UBOX5: variants seen among roughly 807,000 people sequenced by gnomAD.
UBOX5 encodes the protein U-box domain containing 5, also known as RING finger protein 37.
A neutral mutation model predicts 39.0 loss-of-function variants in UBOX5; 28 were observed. That is an observed-to-expected ratio of 0.72 (90% CI 0.53 to 0.98). UBOX5 has a LOEUF of 0.98. Ranked by LOEUF, UBOX5 falls within the 50% of genes least tolerant of loss-of-function variation. UBOX5 has a pLI of 0.00. For missense variants in UBOX5, 585 were observed against 674.4 expected (o/e 0.87, Z 1.47); for synonymous variants, 283 against 275.5 (o/e 1.03, Z -0.27).
chr20:3,112,767 C>G (rs1235452394), intron 4 of UBOX5, among the ~76,000 whole-genome samples: 1 of 152,062 alleles, frequency 6.6e-6, no homozygotes, highest in Non-Finnish European at 1.5e-5. Flanking sequence ...GAGTTCGAGA[C>G]CAGCCTGACC....
chr20:3,146,545 T>C lies in UBOX5; in HGVS notation c.-42+13221A>G, dbSNP rs1156836233. 6 of 488,690 alleles carry C rather than the reference T, an allele frequency of 1.2e-5. No homozygotes were observed. In the East Asian group the frequency reaches 2.0e-4, roughly 16 times the overall value. The allele number at this position is 488,690 out of a possible 1,614,324, so 30.3% of individuals were successfully genotyped here. ...TACTTGACCGTAGGACATATTAAGA[T>C]GTTTATTATTTACTAAGAGTAACAT... On this transcript the variant is annotated intron_variant, in intron 1 of 4. Transcript: ENST00000217173.
intron 1 of UBOX5, among the ~76,000 whole-genome samples, chr20:3,150,140 T>A (rs956693135): frequency 6.6e-6 from 1 of 152,210 alleles, no homozygotes; most frequent in Non-Finnish European, 1.5e-5. Context: ...TTTTAGAAGA[T>A]GCCTACTCTC....
intron 1 of UBOX5, among the ~76,000 whole-genome samples, chr20:3,144,100 A>G (rs190719624): frequency 6.6e-6 from 1 of 152,334 alleles, no homozygotes; most frequent in Admixed American, 6.5e-5. Flanking sequence ...CAAGATGGCA[A>G]AATTCCCCAA....
At chr20:3,158,560 G>A (rs763973353) in intron 1 of UBOX5, among the ~76,000 whole-genome samples, 1 of 152,096 alleles carries the variant, frequency 6.6e-6, no homozygotes, top group Non-Finnish European at 1.5e-5. Flanking sequence ...TGCACACTCC[G>A]CCTCCCGGGG....
Position 3,123,304 on chromosome 20 carries a change from T to C in UBOX5, c.54+8A>G. 1 of 1,612,668 alleles carries C rather than the reference T, an allele frequency of 6.2e-7. No homozygotes were observed. The highest frequency in any genetic ancestry group is 8.5e-7 in the Non-Finnish European group (1 of 1,178,780). On this transcript the variant is annotated splice_region_variant and intron_variant, in intron 2 of 4. Transcript: ENST00000217173. ...ATATATTTATGTGTATATATTTGTT[T>C]TGTTTACCTTGTTGCAGTGAATTCT...
chr20:3,146,861 T>A, intron 1 of UBOX5: 1 of 1,614,184 alleles, frequency 6.2e-7, no homozygotes, highest in Non-Finnish European at 8.5e-7. Flanking sequence ...CCATTCCCAG[T>A]AGGATAACTC....
intron 1 of UBOX5, among the ~76,000 whole-genome samples, chr20:3,152,976 T>C (rs994783553): frequency 3.3e-5 from 5 of 151,640 alleles, no homozygotes; most frequent in South Asian, 2.1e-4. Flanking sequence ...AGCTGTGCCA[T>C]AGTAAAGCGA....
At chr20:3,157,237 G>A (rs1211791190) in intron 1 of UBOX5, among the ~76,000 whole-genome samples, 1 of 152,154 alleles carries the variant, frequency 6.6e-6, no homozygotes, top group Admixed American at 6.5e-5. Context: ...TGTTAACTGG[G>A]CTAGACTCTT....
chr20:3,152,998 T>C (rs1246003594), intron 1 of UBOX5, among the ~76,000 whole-genome samples: 1 of 151,208 alleles, frequency 6.6e-6, no homozygotes, highest in African/African-American at 2.4e-5. Flanking sequence ...AAACAGAAAA[T>C]GTCTGTCTAG....
intron 1 of UBOX5, chr20:3,146,996 G>C (rs954906918): frequency 1.2e-6 from 2 of 1,614,020 alleles, no homozygotes; most frequent in African/African-American, 2.7e-5. Context: ...CATTCTTGGG[G>C]TCTGCATGCA....
intron 4 of UBOX5, 116 bp from the exon 5 acceptor site, chr20:3,110,430 C>T: frequency 5.0e-6 from 6 of 1,190,216 alleles, no homozygotes; most frequent in Non-Finnish European, 7.3e-6. Context: ...TTCATCCCTC[C>T]CGAGTCCATC....
intron 1 of UBOX5, among the ~76,000 whole-genome samples, chr20:3,141,427 T>C (rs928606756): frequency 3.3e-5 from 5 of 151,826 alleles, no homozygotes; most frequent in African/African-American, 1.2e-4. Flanking sequence ...GCAGGTGGAT[T>C]ACCTGAGGTC....
In UBOX5 at chr20:3,159,840, C is replaced by A. The variant is rs974432312; in HGVS notation, c.-116G>T. ...GGCGGCGGCGACACAGATACTGGCT[C>A]CTCCGGCGACTCCGAGCCTCACAGC... On this transcript the variant is annotated 5_prime_UTR_variant, in exon 1 of 5. Transcript: ENST00000217173. 1 of 152,304 alleles carries A rather than the reference C, an allele frequency of 6.6e-6. No homozygotes were observed. Among genetic ancestry groups the A allele is most frequent in the East Asian group, 1.9e-4 (1 of 5,198 alleles). 9.4% of individuals were successfully genotyped at this position (152,304 alleles called of 1,614,324 possible).
At chr20:3,143,455 A>G (rs2066535041) in intron 1 of UBOX5, among the ~76,000 whole-genome samples, 1 of 152,142 alleles carries the variant, frequency 6.6e-6, no homozygotes. Context: ...AGAAGTTTTA[A>G]AAACAATTGC....
At chr20:3,124,536 G>T (rs985991986) in intron 1 of UBOX5, among the ~76,000 whole-genome samples, 1 of 152,058 alleles carries the variant, frequency 6.6e-6, no homozygotes, top group Non-Finnish European at 1.5e-5. Flanking sequence ...GCCTCTGCCC[G>T]GCCGCCACCC....
chr20:3,155,452 A>C (rs1405867889), intron 1 of UBOX5, among the ~76,000 whole-genome samples: 1 of 151,834 alleles, frequency 6.6e-6, no homozygotes, highest in African/African-American at 2.4e-5. Context: ...AATCACTTGA[A>C]CCCGCGAGGC....
chr20:3,120,729 A>C (rs1285717270), intron 3 of UBOX5, among the ~76,000 whole-genome samples: 1 of 152,186 alleles, frequency 6.6e-6, no homozygotes, highest in African/African-American at 2.4e-5. Context: ...AAAAAACACA[A>C]AGAGAATATT....
At position 3,121,670 on chromosome 20, in the gene UBOX5, G is replaced by A. The variant is rs1054028347; in HGVS notation, c.969C>T (p.Ser323=). 7 of 1,613,914 alleles carry A rather than the reference G, an allele frequency of 4.3e-6. No homozygotes were observed. Among genetic ancestry groups the A allele is most frequent in the Non-Finnish European group, 5.9e-6 (7 of 1,179,986 alleles). The change falls in exon 3 of 5, where the codon TCC becomes TCT. Residue 323 remains serine (S), a synonymous_variant. Transcript: ENST00000217173. The part of the protein sequence containing the change: ...TPHSQPLPHP[S]LKARIDHFLL... ...GGAAATGGTCAATCCGGGCCTTGAG[G>A]GAGGGGTGAGGCAGGGGCTGAGAGT... is the stretch of plus-strand genomic sequence containing the variant.
rs764430855 is a variant in UBOX5, at chr20:3,121,595, C to T, written c.1044G>A (p.Thr348=). The T allele has an allele frequency of 1.2e-5, 19 of 1,604,756 alleles. No homozygotes were observed. Among genetic ancestry groups the T allele is most frequent in the Admixed American group, 6.9e-5 (4 of 58,090 alleles). The change falls in exon 3 of 5, where the codon ACG becomes ACA. Residue 348 remains threonine, a synonymous_variant. Coordinates refer to ENST00000217173, the MANE Select transcript of UBOX5 (RefSeq NM_014948.4). The part of the protein sequence containing the change: ...PGCHLLGRAQ[T]ALAVIPSSIV... The stretch of plus-strand genomic sequence containing the variant: ...TGGAAGAAGGGATCACTGCCAATGC[C>T]GTCTGTGCTCTCCCAAGCAGGTGGC...
Sources: gnomAD v4.1 joint callset for allele counts (sites outside exome capture counted in the v4.1 genomes callset) on GRCh38, gnomAD v4.1.1 for gene constraint, MANE v1.5 for transcripts, NCBI Gene and HGNC (gene_info 2026-07-23, HGNC 2026-07-21) for gene names.